Variants in IMMP2L observed in about 807,000 individuals in gnomAD.
IMMP2L encodes the protein inner mitochondrial membrane peptidase subunit 2.
IMMP2L carries 18 observed loss-of-function variants against 19.3 expected under a neutral mutation model. The observed-to-expected ratio is 0.93, with a 90% CI of 0.64 to 1.38. The LOEUF (loss-of-function observed/expected upper bound fraction) is 1.38. IMMP2L is among the 40% of genes most tolerant of loss of function. IMMP2L has a pLI of 0.00. For synonymous variants in IMMP2L, 76 were observed against 73.0 expected (o/e 1.04, Z -0.21); for missense variants, 233 against 218.2 (o/e 1.07, Z -0.43).
rs140120502 is a variant in IMMP2L at position 111,513,356 on chromosome 7, T to C, written c.135+7957A>G. Among the ~76,000 whole-genome samples, 723 of 152,190 alleles carry C rather than the reference T, an allele frequency of 4.8e-3. 5 individuals are homozygous for C. The highest frequency in any genetic ancestry group is 0.017 in the African/African-American group (687 of 41,556). ...ATGGCCCAGAAGCATATAAAAAATA[T>C]TCAATATCACTAATTATCAGGGAAA... is the stretch of plus-strand genomic sequence containing the variant. On this transcript the variant is annotated intron_variant, in intron 2 of 5. Coordinates refer to ENST00000405709, the MANE Select transcript of IMMP2L (RefSeq NM_032549.4).
chr7:111,225,571 G>C (rs1562945613), intron 3 of IMMP2L, among the ~76,000 whole-genome samples: 1 of 151,230 alleles, frequency 6.6e-6, no homozygotes, highest in Non-Finnish European at 1.5e-5. Context: ...CTATAGGAAA[G>C]TACTACTTAT....
intron 1 of IMMP2L, among the ~76,000 whole-genome samples, chr7:111,541,821 C>CA (rs1436703935): frequency 1.3e-5 from 2 of 151,872 alleles, no homozygotes; most frequent in Non-Finnish European, 2.9e-5. Context: ...CTTTCTTCTG[C>CA]AAAAAAGACG....
At chr7:111,524,960 C>A (rs892827818) in intron 1 of IMMP2L, among the ~76,000 whole-genome samples, 15 of 152,112 alleles carry the variant, frequency 9.9e-5, no homozygotes, top group African/African-American at 3.6e-4. Context: ...TATTTACTAA[C>A]GGTCTTCCAC....
At chr7:110,899,805 C>T (rs1811681874) in intron 4 of IMMP2L, among the ~76,000 whole-genome samples, 1 of 152,190 alleles carries the variant, frequency 6.6e-6, no homozygotes, top group Non-Finnish European at 1.5e-5. Flanking sequence ...TGCTATTAAA[C>T]ATAAAGCTCA....
intron 1 of IMMP2L, among the ~76,000 whole-genome samples, chr7:111,526,273 A>G (rs1191555697): frequency 6.6e-6 from 1 of 152,140 alleles, no homozygotes; most frequent in Non-Finnish European, 1.5e-5. Context: ...TTCAACATAC[A>G]TTTATATGTG....
intron 3 of IMMP2L, among the ~76,000 whole-genome samples, chr7:111,428,032 A>T (rs1836256240): frequency 6.6e-6 from 1 of 151,828 alleles, no homozygotes; most frequent in Admixed American, 6.6e-5. Flanking sequence ...TCCTGGTACA[A>T]GTGTAGTCTG....
At chr7:111,099,043 C>A (rs1797693947) in intron 3 of IMMP2L, among the ~76,000 whole-genome samples, 2 of 151,800 alleles carry the variant, frequency 1.3e-5, no homozygotes, top group Non-Finnish European at 3.0e-5. Flanking sequence ...TTGCTATCCA[C>A]TAGATTAACT....
chr7:111,551,934 A>T (rs1429040415), intron 1 of IMMP2L, among the ~76,000 whole-genome samples: 1 of 152,124 alleles, frequency 6.6e-6, no homozygotes, highest in Non-Finnish European at 1.5e-5. Flanking sequence ...GCAAGTACTA[A>T]AAGAGAAATA....
At chr7:110,962,650 G>A in intron 4 of IMMP2L, 1 of 850,310 alleles carries the variant, frequency 1.2e-6, no homozygotes, top group South Asian at 5.3e-5. Flanking sequence ...GGCCCCCAGT[G>A]GGGATCCCCT....
At chr7:110,665,261 T>C (rs926573177) in intron 5 of IMMP2L, among the ~76,000 whole-genome samples, 1 of 152,216 alleles carries the variant, frequency 6.6e-6, no homozygotes, top group Admixed American at 6.5e-5. Context: ...TTCATTTTTT[T>C]CTCATTTTAT....
intron 3 of IMMP2L, among the ~76,000 whole-genome samples, chr7:111,310,148 T>C (rs979381868): frequency 2.6e-5 from 4 of 150,946 alleles, no homozygotes; most frequent in Admixed American, 1.3e-4. Flanking sequence ...GGCAGGAGAA[T>C]CGCTTGAACC....
chr7:110,972,153 G>GCAAAT (rs1820206196), intron 3 of IMMP2L, among the ~76,000 whole-genome samples: 1 of 150,300 alleles, frequency 6.7e-6, no homozygotes, highest in Non-Finnish European at 1.5e-5. Flanking sequence ...AATAGTATTA[G>GCAAAT]CAAATTGTTT....
intron 4 of IMMP2L, chr7:110,963,206 C>A: frequency 2.6e-6 from 2 of 771,506 alleles, no homozygotes; most frequent in Non-Finnish European, 3.9e-6. Flanking sequence ...AATAGTCATG[C>A]TACTTTTAAT....
chr7:110,827,218 T>C lies in IMMP2L; in HGVS notation c.408+59375A>G, dbSNP rs143078661. Among the ~76,000 whole-genome samples, 60 of 152,204 alleles carry C rather than the reference T, an allele frequency of 3.9e-4. No individual in the cohort carries two copies. In the East Asian group the frequency reaches 0.011, roughly 27 times the overall value. The stretch of plus-strand genomic sequence containing the variant: ...CCTCTCCATTTCAAAGCTGAGGAAA[T>C]TGAGGTTCAGAGATAAGCAACCCAC... On this transcript the variant is annotated intron_variant, in intron 5 of 5. Transcript: ENST00000405709.
intron 3 of IMMP2L, among the ~76,000 whole-genome samples, chr7:111,150,983 G>C (rs1469606894): frequency 1.3e-5 from 2 of 152,168 alleles, no homozygotes; most frequent in African/African-American, 4.8e-5. Context: ...TCCCACCAGA[G>C]AACTGCTCTG....
At chr7:110,965,600 A>G (rs1040600759) in intron 3 of IMMP2L, among the ~76,000 whole-genome samples, 18 of 151,982 alleles carry the variant, frequency 1.2e-4, no homozygotes, top group Non-Finnish European at 2.6e-4. Context: ...GGGTATGGGC[A>G]TATTCAAGCT....
At chr7:110,779,246 CTAGT>C (rs1401806331) in intron 5 of IMMP2L, among the ~76,000 whole-genome samples, 2 of 150,732 alleles carry the variant, frequency 1.3e-5, no homozygotes, top group Non-Finnish European at 3.0e-5. Flanking sequence ...AGAGATTCTA[CTAGT>C]TATTCTTATA....
chr7:110,825,599 T>C (rs1803409706), intron 5 of IMMP2L, among the ~76,000 whole-genome samples: 1 of 152,176 alleles, frequency 6.6e-6, no homozygotes, highest in African/African-American at 2.4e-5. Context: ...GGATTCCCTA[T>C]TTAATAAATG....
At chr7:111,355,601 A>T (rs1021703750) in intron 3 of IMMP2L, among the ~76,000 whole-genome samples, 6 of 151,844 alleles carry the variant, frequency 4.0e-5, no homozygotes, top group Non-Finnish European at 7.4e-5. Flanking sequence ...GAAAAACAAT[A>T]AAAAAACAGG....
Sources: gnomAD v4.1 joint callset for allele counts (sites outside exome capture counted in the v4.1 genomes callset) on GRCh38, gnomAD v4.1.1 for gene constraint, MANE v1.5 for transcripts, NCBI Gene and HGNC (gene_info 2026-07-23, HGNC 2026-07-21) for gene names.